Variants in CATSPERB observed in about 807,000 individuals in gnomAD.
CATSPERB encodes catsper channel auxiliary subunit beta.
A neutral mutation model predicts 128.3 loss-of-function variants in CATSPERB; 93 were observed. That is an observed-to-expected ratio of 0.72 (90% CI 0.61 to 0.86). The LOEUF (loss-of-function observed/expected upper bound fraction) is 0.86. CATSPERB is among the 40% of genes least tolerant of loss of function. The pLI is 0.00. For synonymous variants in CATSPERB, 381 were observed against 448.8 expected (o/e 0.85, Z 1.91); for missense variants, 1,153 against 1,329.5 (o/e 0.87, Z 2.06).
At position 91,692,564 on chromosome 14, in the gene CATSPERB, T is replaced by C. The variant is rs1290759110; in HGVS notation, c.831+562A>G. Among the ~76,000 whole-genome samples the C allele has an allele frequency of 2.0e-5, 3 of 152,236 alleles. No individual in the cohort carries two copies. In the East Asian group the frequency reaches 5.8e-4, roughly 29 times the overall value. ...TTACCATGTATAAGAAATATCTGTG[T>C]CTCAATCAATACCATTTCCCCTTCT... is the stretch of plus-strand genomic sequence containing the variant. On this transcript the variant is annotated intron_variant, in intron 9 of 26. Coordinates refer to ENST00000256343, the MANE Select transcript of CATSPERB (RefSeq NM_024764.4).
At chr14:91,692,802 A>G (rs1343002212) in intron 9 of CATSPERB, among the ~76,000 whole-genome samples, 1 of 152,202 alleles carries the variant, frequency 6.6e-6, no homozygotes, top group Non-Finnish European at 1.5e-5. Context: ...GTGGCTTTAT[A>G]AATTACCTTA....
intron 15 of CATSPERB, among the ~76,000 whole-genome samples, chr14:91,654,960 TCCTGGTAATACAGTCTCTTCCTGTAATA>T (rs71120184): frequency 0.28 from 42,957 of 150,780 alleles, 7,039 homozygotes; most frequent in Admixed American, 0.47. Flanking sequence ...AAAAGTCTCT[TCCTGGTAATACAGTCTCTTCCTGTAATA>T]CCTGGTAATA....
chr14:91,647,130 C>G (rs545912177), intron 15 of CATSPERB, among the ~76,000 whole-genome samples: 23 of 152,324 alleles, frequency 1.5e-4, no homozygotes, highest in African/African-American at 5.3e-4. Flanking sequence ...GGCTGCAAAT[C>G]TCACAGGGGC....
chr14:91,631,085 T>C (rs761332505), intron 17 of CATSPERB, among the ~76,000 whole-genome samples: 1 of 152,230 alleles, frequency 6.6e-6, no homozygotes, highest in Non-Finnish European at 1.5e-5. Context: ...TCTGTCACCA[T>C]ATTTACTTTC....
chr14:91,589,749 T>C (rs1001731291), intron 23 of CATSPERB, 80 bp from the exon 24 acceptor site: 17 of 1,359,140 alleles, frequency 1.3e-5, no homozygotes, highest in Admixed American at 4.0e-5. Flanking sequence ...AACGAAAAGA[T>C]ATATTGCCAA....
chr14:91,624,701 G>A, intron 18 of CATSPERB, 119 bp downstream of exon 18: 1 of 673,016 alleles, frequency 1.5e-6, no homozygotes, highest in Non-Finnish European at 2.3e-6. Flanking sequence ...TTGGTAGGTT[G>A]CCAGTTGGAC....
chr14:91,715,689 G>T (rs1247566904), intron 5 of CATSPERB, among the ~76,000 whole-genome samples: 2 of 151,754 alleles, frequency 1.3e-5, no homozygotes, highest in African/African-American at 4.8e-5. Flanking sequence ...ACATAGAAAG[G>T]CAAAAGAACT....
chr14:91,600,486 G>A (rs1893590735), intron 22 of CATSPERB, among the ~76,000 whole-genome samples: 1 of 152,130 alleles, frequency 6.6e-6, no homozygotes, highest in South Asian at 2.1e-4. Flanking sequence ...AGAGGTTTGG[G>A]TTTGTTTGTT....
Position 91,708,153 on chromosome 14 carries a change from C to T in CATSPERB, c.454G>A (p.Asp152Asn). The T allele has an allele frequency of 1.2e-6, 2 of 1,607,496 alleles. No individual in the cohort carries two copies. Among genetic ancestry groups the T allele is most frequent in the African/African-American group, 2.7e-5 (2 of 74,830 alleles). Residue 152 changes from aspartate (D) to asparagine (N), a missense_variant, in exon 6 of 27, where the codon GAT becomes AAT. Coordinates refer to ENST00000256343, the MANE Select transcript of CATSPERB (RefSeq NM_024764.4). ...TGTTGGCATTTACCTCGAATAACAT[C>T]CAATAGAGTTCCTTCAGTAGCATAA... ...NIYATEGTLL[D>N]VIREPILQWT...
intron 10 of CATSPERB, among the ~76,000 whole-genome samples, chr14:91,687,115 GA>G (rs1895389535): frequency 6.6e-6 from 1 of 151,922 alleles, no homozygotes; most frequent in South Asian, 2.1e-4. Context: ...ATGCTGAAAA[GA>G]TATAAAATAA....
intron 22 of CATSPERB, among the ~76,000 whole-genome samples, chr14:91,597,262 A>C (rs1893524420): frequency 1.3e-5 from 2 of 152,188 alleles, no homozygotes; most frequent in African/African-American, 4.8e-5. Context: ...TTGATATTAC[A>C]AAATAGGATT....
At chr14:91,658,085 A>AT (rs1421462120) in intron 15 of CATSPERB, among the ~76,000 whole-genome samples, 2 of 152,198 alleles carry the variant, frequency 1.3e-5, no homozygotes, top group Non-Finnish European at 2.9e-5. Flanking sequence ...CTACACTCCC[A>AT]TGTTTATTGT....
intron 15 of CATSPERB, among the ~76,000 whole-genome samples, chr14:91,646,675 T>A (rs1419264836): frequency 6.6e-6 from 1 of 152,220 alleles, no homozygotes; most frequent in East Asian, 1.9e-4. Flanking sequence ...CACAATTAGA[T>A]AATCTGTTAC....
At chr14:91,621,466 T>C (rs998689020) in intron 19 of CATSPERB, 142 bp downstream of exon 19, 3 of 609,154 alleles carry the variant, frequency 4.9e-6, no homozygotes, top group African/African-American at 1.8e-5. Flanking sequence ...TACTCAATAA[T>C]TAGGCACTAA....
chr14:91,673,066 C>G (rs767484381), intron 12 of CATSPERB, 50 bp from the exon 13 acceptor site: 35 of 1,466,398 alleles, frequency 2.4e-5, no homozygotes, highest in Non-Finnish European at 3.0e-5. Flanking sequence ...AATATAAGTT[C>G]TAATTCTCTT....
At chr14:91,693,615 A>G in intron 7 of CATSPERB, 136 bp from the exon 8 acceptor site, 1 of 630,940 alleles carries the variant, frequency 1.6e-6, no homozygotes, top group South Asian at 2.0e-5. Flanking sequence ...GGAAAGATGA[A>G]GTAACTTCAA....
chr14:91,717,501 T>C (rs888088064), intron 5 of CATSPERB, among the ~76,000 whole-genome samples: 3 of 152,182 alleles, frequency 2.0e-5, no homozygotes, highest in Non-Finnish European at 4.4e-5. Context: ...TACAACTCCA[T>C]AGGCCTCAGT....
chr14:91,652,431 G>A, intron 15 of CATSPERB, among the ~76,000 whole-genome samples: 1 of 151,616 alleles, frequency 6.6e-6, no homozygotes, highest in East Asian at 1.9e-4. Context: ...GGCCTACATG[G>A]GCAGATCATT....
chr14:91,683,996 T>A, intron 10 of CATSPERB, 53 bp from the exon 11 acceptor site: 1 of 1,267,246 alleles, frequency 7.9e-7, no homozygotes, highest in African/African-American at 1.5e-5. Flanking sequence ...TAAGATATCT[T>A]AAGATATAAG....
Sources: gnomAD v4.1 joint callset for allele counts (sites outside exome capture counted in the v4.1 genomes callset) on GRCh38, gnomAD v4.1.1 for gene constraint, MANE v1.5 for transcripts, NCBI Gene and HGNC (gene_info 2026-07-23, HGNC 2026-07-21) for gene names.